The following NIN variants were observed in gnomAD, a reference collection of about 807,000 sequenced individuals.
NIN encodes the protein glycogen synthase kinase 3 beta-interacting protein.
In NIN, 137 loss-of-function variants were observed where a neutral mutation model predicts 257.6. That is an observed-to-expected ratio of 0.53 (90% CI 0.46 to 0.61). NIN has a LOEUF of 0.61. Among genes scored for constraint, NIN ranks in the 20% least tolerant of loss-of-function variants. The probability of loss-of-function intolerance (pLI) is 0.00; values close to 1 mark genes in which losing one functional copy is unlikely to be tolerated. For missense variants in NIN, 2,439 were observed against 2,501.2 expected (o/e 0.98, Z 0.53); for synonymous variants, 918 against 919.8 (o/e 1.00, Z 0.04).
In NIN at chr14:50,739,423, C is replaced by A. The variant is rs750941339; in HGVS notation, c.5513G>T (p.Trp1838Leu). 1.9e-6 allele frequency: 3 copies of A among 1,614,108 alleles called. No homozygotes were observed. The African/African-American group carries it at 4.0e-5, about 22-fold the overall frequency. ...ATTCATCAGATGATCCAACTTGTCC[C>A]AGGACAGCCTTTTCTGCTGGTTATG... ...GLHNQQKRLS[W>L]DKLDHLMNEE... is the part of the protein sequence containing the mutation. The change falls in exon 26 of 31, where the codon TGG (tryptophan) becomes TTG (leucine). Residue 1838 changes from tryptophan to leucine, a missense_variant. Physicochemically the swap from Trp to Leu is moderately conservative, Grantham distance 61 (BLOSUM62 -2). Around this residue, in one of 3 missense-constraint regions of NIN, gnomAD observed 2,043 missense variants for 2,050.2 expected, o/e 1.00. Coordinates refer to ENST00000530997, the MANE Select transcript of NIN (RefSeq NM_020921.4).
intron 5 of NIN, among the ~76,000 whole-genome samples, chr14:50,791,269 A>C (rs2043577741): frequency 6.6e-6 from 1 of 152,216 alleles, no homozygotes; most frequent in Non-Finnish European, 1.5e-5. Flanking sequence ...TGTATATGTA[A>C]AATTTTTGTG....
Position 50,723,084 on chromosome 14 carries a change from A to G in NIN, c.*379T>C, listed in dbSNP as rs1260956313. On this transcript the variant is annotated 3_prime_UTR_variant, in exon 31 of 31. Coordinates refer to ENST00000530997, the MANE Select transcript of NIN (RefSeq NM_020921.4). The stretch of plus-strand genomic sequence containing the variant: ...TTTTAAAATAAAGTTTATAACAACC[A>G]TTCTCATCAGATCTCAAACTTCAAA... The G allele has an allele frequency of 4.3e-6, 1 of 231,938 alleles. No individual in the cohort carries two copies. Among genetic ancestry groups the G allele is most frequent in the Non-Finnish European group, 8.5e-6 (1 of 117,738 alleles). 14.4% of individuals were successfully genotyped at this position (231,938 alleles called of 1,614,324 possible).
chr14:50,758,318 A>C lies in NIN; in HGVS notation c.2712T>G (p.His904Gln), dbSNP rs763888716. The C allele has an allele frequency of 2.5e-6, 4 of 1,614,022 alleles. No individual in the cohort carries two copies. The highest frequency in any genetic ancestry group is 2.5e-6 in the Non-Finnish European group (3 of 1,180,020). ...REMLEKTYKEHLNSMVVERQQ... is the reference protein window; with the variant it reads ...REMLEKTYKEQLNSMVVERQQ... ...GTCTCTCGACGACCATGCTGTTCAA[A>C]TGTTCTTTGTATGTTTTCTCCAGCA... The change falls in exon 18 of 31, where the codon CAT becomes CAG. Residue 904 changes from histidine (H) to glutamine (Q), a missense_variant. His to Gln is a conservative substitution (Grantham distance 24). Around this residue, in one of 3 missense-constraint regions of NIN, gnomAD observed 2,043 missense variants for 2,050.2 expected, o/e 1.00. Transcript: ENST00000530997.
At chr14:50,815,466 G>A (rs943362148) in intron 3 of NIN, among the ~76,000 whole-genome samples, 17 of 152,166 alleles carry the variant, frequency 1.1e-4, no homozygotes, top group Admixed American at 3.9e-4. Flanking sequence ...TTCAACCATT[G>A]CGGAAGATAG....
At position 50,770,987 on chromosome 14, in the gene NIN, C is replaced by T. The variant is rs753547219; in HGVS notation, c.1124G>A (p.Arg375Gln). ...FKAEIRHLLERVDQVVREKEK... is the reference protein window; with the variant it reads ...FKAEIRHLLEQVDQVVREKEK... Reference sequence around the variant, plus strand: ...TTTTTCTCTGACCACCTGATCAACTCGTTCCCTAGGATCAGAAGTACACTG... The same window carrying T: ...TTTTTCTCTGACCACCTGATCAACTTGTTCCCTAGGATCAGAAGTACACTG... Residue 375 changes from arginine (R) to glutamine (Q), a missense_variant, in exon 11 of 31, where the codon CGA becomes CAA. By Grantham distance (43) the Arg-to-Gln change is conservative. This residue lies in a region of NIN where 2,043 missense variants were observed against 2,050.2 expected (regional missense o/e 1.00). Transcript: ENST00000530997. 1.4e-5 allele frequency: 23 copies of T among 1,613,434 alleles called. No homozygotes were observed. In the Admixed American group the frequency reaches 2.8e-4, roughly 20 times the overall value.
At chr14:50,767,581 G>A (rs1455716822) in intron 12 of NIN, among the ~76,000 whole-genome samples, 1 of 152,162 alleles carries the variant, frequency 6.6e-6, no homozygotes, top group Admixed American at 6.5e-5. Context: ...ACTTTGGGAG[G>A]CCAAGGTGGG....
chr14:50,753,913 A>G (rs775448397), intron 20 of NIN, among the ~76,000 whole-genome samples: 2 of 152,062 alleles, frequency 1.3e-5, no homozygotes. Flanking sequence ...CCATTCATAT[A>G]GATTGCCTAT....
In NIN at chr14:50,756,805, T is replaced by C; in HGVS notation, c.4225A>G (p.Ile1409Val). 2 of 1,551,668 alleles carry C rather than the reference T, an allele frequency of 1.3e-6. No individual in the cohort carries two copies. Among genetic ancestry groups the C allele is most frequent in the South Asian group, 1.2e-5 (1 of 84,072 alleles). Residue 1409 changes from isoleucine (I) to valine (V), a missense_variant, in exon 18 of 31, where the codon ATT (isoleucine) becomes GTT (valine). Ile to Val is a conservative substitution (Grantham distance 29). Transcript: ENST00000530997. ...TGAATTGTTCCATGTAACCAGGCAA[T>C]TTCATGTGCTTTTACTTTTTCCAAG... is the stretch of plus-strand genomic sequence containing the variant. ...QLLEKVKAHE[I>V]AWLHGTIQTH...
chr14:50,828,358 T>C (rs1377268753), intron 2 of NIN, among the ~76,000 whole-genome samples: 2 of 152,248 alleles, frequency 1.3e-5, no homozygotes, highest in African/African-American at 4.8e-5. Context: ...TAAATTGCAA[T>C]AAAGAAGTGT....
At chr14:50,787,622 A>G (rs1318582071) in intron 5 of NIN, among the ~76,000 whole-genome samples, 2 of 152,222 alleles carry the variant, frequency 1.3e-5, no homozygotes, top group East Asian at 3.8e-4. Flanking sequence ...CCATAAAAAA[A>G]GAAAAATCAC....
At chr14:50,724,356 C>T (rs1047186038) in intron 30 of NIN, 1 of 213,056 alleles carries the variant, frequency 4.7e-6, no homozygotes, top group African/African-American at 2.3e-5. Context: ...AGTAGGGCAT[C>T]TAAAAGTATA....
Position 50,723,411 on chromosome 14 carries a change from T to C in NIN, c.*52A>G. The C allele has an allele frequency of 6.7e-7, 1 of 1,498,140 alleles. No homozygotes were observed. Among genetic ancestry groups the C allele is most frequent in the Non-Finnish European group, 9.2e-7 (1 of 1,081,766 alleles). The allele number at this position is 1,498,140 out of a possible 1,614,324, so 92.8% of individuals were successfully genotyped here. A position where few individuals can be genotyped will look rare whatever the true frequency, so the allele number is the denominator to read the frequency against. On this transcript the variant is annotated 3_prime_UTR_variant, in exon 31 of 31. Transcript: ENST00000530997. ...ATTTTAAGTTGAGAACCTACTGAAA[T>C]GTTCATCTATTTCAGTAAAGTGCAC...
At chr14:50,823,502 A>G in intron 2 of NIN, 1 of 269,818 alleles carries the variant, frequency 3.7e-6, no homozygotes, top group Non-Finnish European at 7.5e-6. Context: ...AGAGCTTTCT[A>G]AAACAAATCA....
intron 4 of NIN, among the ~76,000 whole-genome samples, chr14:50,805,520 A>C (rs1315767003): frequency 6.6e-6 from 1 of 152,154 alleles, no homozygotes; most frequent in Non-Finnish European, 1.5e-5. Context: ...AACACTGCTA[A>C]AGGCAGTGTC....
intron 5 of NIN, among the ~76,000 whole-genome samples, chr14:50,791,803 A>ACG (rs1468101492): frequency 5.9e-4 from 69 of 117,692 alleles, no homozygotes; most frequent in African/African-American, 2.4e-3. Context: ...ACACAGGTGC[A>ACG]CGCGCACACA....
chr14:50,733,419 G>A (rs954558412), intron 28 of NIN, among the ~76,000 whole-genome samples: 4 of 152,126 alleles, frequency 2.6e-5, no homozygotes, highest in Admixed American at 6.5e-5. Flanking sequence ...CCTAATGAAA[G>A]TTTCATTAGA....
intron 22 of NIN, among the ~76,000 whole-genome samples, chr14:50,745,254 C>T (rs774597145): frequency 2.0e-5 from 3 of 152,134 alleles, no homozygotes; most frequent in South Asian, 2.1e-4. Flanking sequence ...CACAGCGTCT[C>T]TGGCTTTACT....
At chr14:50,763,295 A>G (rs959673394) in intron 15 of NIN, among the ~76,000 whole-genome samples, 3 of 151,922 alleles carry the variant, frequency 2.0e-5, no homozygotes, top group Admixed American at 6.6e-5. Flanking sequence ...TGCCTTCCAA[A>G]CTTGCCACTC....
Position 50,739,490 on chromosome 14 carries a change from T to TA in NIN, c.5449-4dup. ...GTAGCTATCTCTGGGGCCCAGCTCT[T>TA]AAGAGAATTGCAGAGTGTAAGCCTT... On this transcript the variant is annotated splice_region_variant and splice_polypyrimidine_tract_variant and intron_variant, in intron 25 of 30. Coordinates refer to ENST00000530997, the MANE Select transcript of NIN (RefSeq NM_020921.4). 6.2e-7 allele frequency: 1 copy of TA among 1,613,958 alleles called. No individual in the cohort carries two copies. Among genetic ancestry groups the TA allele is most frequent in the Non-Finnish European group, 8.5e-7 (1 of 1,179,940 alleles).
Sources: gnomAD v4.1 joint callset for allele counts (sites outside exome capture counted in the v4.1 genomes callset) on GRCh38, gnomAD v4.1.1 for gene constraint, gnomAD v4.1.1 regional missense constraint, MANE v1.5 for transcripts, NCBI Gene and HGNC (gene_info 2026-07-23, HGNC 2026-07-21) for gene names.